CCDC88B: variants seen among roughly 807,000 people sequenced by gnomAD.
CCDC88B encodes coiled-coil and HOOK domain protein 88B, also known as coiled-coil domain-containing protein 88B.
A neutral mutation model predicts 183.7 loss-of-function variants in CCDC88B; 138 were observed. The observed-to-expected ratio is 0.75, with a 90% CI of 0.65 to 0.87. CCDC88B has a LOEUF of 0.87. CCDC88B is among the 40% of genes least tolerant of loss of function. The probability of loss-of-function intolerance (pLI) is 0.00; values close to 1 mark genes in which losing one functional copy is unlikely to be tolerated. For missense variants in CCDC88B, 1,822 were observed against 1,965.6 expected, an observed-to-expected ratio of 0.93 and a Z score of 1.38; for synonymous variants, 835 against 867.5, an observed-to-expected ratio of 0.96 and a Z score of 0.66.
In CCDC88B at chr11:64,343,762, C is replaced by A. The variant is rs766675170; in HGVS notation, c.1319-16C>A. On this transcript the variant is annotated splice_polypyrimidine_tract_variant and intron_variant, in intron 12 of 26. Coordinates refer to ENST00000356786, the MANE Select transcript of CCDC88B (RefSeq NM_032251.6). ...GGCAGTAAAGGAGGGGTCCTGACCT[C>A]ATCTCTCATCCTCAGCACCCCTAGC... 2.3e-5 allele frequency: 35 copies of A among 1,552,860 alleles called. No homozygotes were observed. In the South Asian group the frequency reaches 4.2e-4, roughly 19 times the overall value.
At chr11:64,345,273 G>A in intron 14 of CCDC88B, 116 bp downstream of exon 14, 1 of 1,220,520 alleles carries the variant, frequency 8.2e-7, no homozygotes, top group Non-Finnish European at 1.1e-6. Context: ...TGGGGCTGGA[G>A]ATAGAAAGGC....
intron 12 of CCDC88B, 29 bp downstream of exon 12, chr11:64,343,644 T>C: frequency 6.5e-7 from 1 of 1,549,016 alleles, no homozygotes; most frequent in Non-Finnish European, 8.7e-7. Flanking sequence ...AGGGCTGGGG[T>C]GGGGGCTTCC....
rs142382154 is a variant in CCDC88B, at chr11:64,355,712, C to T, written c.4375+84C>T. 2.4e-5 allele frequency: 31 copies of T among 1,311,078 alleles called. No individual in the cohort carries two copies. The Middle Eastern group carries it at 5.7e-4, about 24-fold the overall frequency. 81.2% of individuals were successfully genotyped at this position (1,311,078 alleles called of 1,614,324 possible). ...AACCTCATTCATCCATTCTTTCATT[C>T]GACAATGATCCTTTACCAAGTGCCA... On this transcript the variant is annotated intron_variant, in intron 26 of 26. Coordinates refer to ENST00000356786, the MANE Select transcript of CCDC88B (RefSeq NM_032251.6).
rs758071309 is a variant in CCDC88B, at chr11:64,344,756, A to G, written c.2215A>G (p.Arg739Gly). ...ALREEVAQLR[R>G]KAEALGDELE... The stretch of plus-strand genomic sequence containing the variant: ...CAGGGAGGAGGTGGCACAGTTGAGG[A>G]GAAAGGCTGAGGCCCTTGGAGATGA... The change falls in exon 14 of 27, where the codon AGA becomes GGA. Residue 739 changes from arginine to glycine, a missense_variant. Arg to Gly is a moderately radical substitution (Grantham distance 125). Coordinates refer to ENST00000356786, the MANE Select transcript of CCDC88B (RefSeq NM_032251.6). This position sits in a 1 kb window ranked among gnomAD's most constrained non-coding sequence, Gnocchi z 4.5. The G allele has an allele frequency of 1.2e-6, 2 of 1,613,794 alleles. No individual in the cohort carries two copies. Among genetic ancestry groups the G allele is most frequent in the South Asian group, 2.2e-5 (2 of 91,076 alleles).
At chr11:64,342,862 C>A in intron 10 of CCDC88B, 182 bp downstream of exon 10, 2 of 570,336 alleles carry the variant, frequency 3.5e-6, no homozygotes, top group Non-Finnish European at 5.4e-6. Flanking sequence ...GAGGATGGGG[C>A]AGGTGTAGGG....
Position 64,344,528 on chromosome 11 carries a change from C to G in CCDC88B, c.1987C>G (p.Gln663Glu). 1 of 1,605,058 alleles carries G rather than the reference C, an allele frequency of 6.2e-7. No homozygotes were observed. The highest frequency in any genetic ancestry group is 8.5e-7 in the Non-Finnish European group (1 of 1,175,758). ...GCCCAGCTCTGTGCAGCTGGAGGAG[C>G]AGGAGGGCCCAAACCAGGGCCTGGA... ...SEPSSVQLEEQEGPNQGLDLA... is the reference protein window; with the variant it reads ...SEPSSVQLEEEEGPNQGLDLA... The change falls in exon 14 of 27, where the codon CAG becomes GAG. Residue 663 changes from glutamine to glutamate, a missense_variant. Physicochemically the swap from Gln to Glu is conservative, Grantham distance 29. Coordinates refer to ENST00000356786, the MANE Select transcript of CCDC88B (RefSeq NM_032251.6). The surrounding 1 kb of genome is among the most constrained non-coding windows in gnomAD (Gnocchi z 4.5).
At chr11:64,341,848 T>G in intron 7 of CCDC88B, 106 bp downstream of exon 7, 118 of 732,772 alleles carry the variant, frequency 1.6e-4, no homozygotes, top group Non-Finnish European at 1.9e-4. Flanking sequence ...CATGGGGTTG[T>G]GGTCTGAGGT....
intron 12 of CCDC88B, 57 bp downstream of exon 12, chr11:64,343,672 T>TCCC: frequency 6.5e-7 from 1 of 1,542,196 alleles, no homozygotes. Flanking sequence ...TCCAGCAGTG[T>TCCC]ACTGGGGAGA....
Position 64,355,276 on chromosome 11 carries a change from G to C in CCDC88B, c.4182G>C (p.Arg1394=). 2 of 1,585,078 alleles carry C rather than the reference G, an allele frequency of 1.3e-6. No homozygotes were observed. The highest frequency in any genetic ancestry group is 1.7e-6 in the Non-Finnish European group (2 of 1,166,786). The change falls in exon 25 of 27, where the codon CGG becomes CGC. Residue 1394 remains arginine (R), a synonymous_variant. Transcript: ENST00000356786. ...RDETLAGGQR[R]KLSSRFPVGR... ...AGACCTTGGCAGGCGGGCAGCGGCG[G>C]AAACTCAGCTCAAGGTTCCCGGTGG...
chr11:64,355,092 C>A, intron 24 of CCDC88B, 102 bp from the exon 25 acceptor site: 1 of 732,294 alleles, frequency 1.4e-6, no homozygotes, highest in Non-Finnish European at 1.9e-6. Flanking sequence ...GACCCCCTCC[C>A]TGCGTGAGCC....
intron 16 of CCDC88B, 88 bp downstream of exon 16, chr11:64,349,756 C>G: frequency 7.9e-7 from 1 of 1,267,028 alleles, no homozygotes; most frequent in Non-Finnish European, 1.1e-6. Context: ...TCCTCCTAGT[C>G]TTGCCTCTGG....
At chr11:64,352,970 T>C (rs1311273944) in intron 20 of CCDC88B, 83 bp downstream of exon 20, 25 of 1,501,140 alleles carry the variant, frequency 1.7e-5, no homozygotes, top group Non-Finnish European at 2.2e-5. Context: ...CTGTCTGGCC[T>C]CCCCTCCCCG....
chr11:64,342,193 T>C, intron 8 of CCDC88B, 54 bp downstream of exon 8: 5 of 1,593,252 alleles, frequency 3.1e-6, no homozygotes, highest in Non-Finnish European at 4.3e-6. Flanking sequence ...AGATTAAGCC[T>C]GGATGGGACC....
Position 64,344,590 on chromosome 11 carries a change from C to G in CCDC88B, c.2049C>G (p.Asp683Glu). Residue 683 changes from aspartate (D) to glutamate (E), a missense_variant, in exon 14 of 27, where the codon GAC becomes GAG. Coordinates refer to ENST00000356786, the MANE Select transcript of CCDC88B (RefSeq NM_032251.6). The surrounding 1 kb of genome is among the most constrained non-coding windows in gnomAD (Gnocchi z 4.5). Reference protein sequence around the residue: ...ATGQAEAREHDQRLEGTVRDP... With the variant: ...ATGQAEAREHEQRLEGTVRDP... Reference sequence around the variant, plus strand: ...GACAAGCAGAGGCCAGAGAGCATGACCAGAGGCTGGAAGGGACGGTCAGGG... The same window carrying G: ...GACAAGCAGAGGCCAGAGAGCATGAGCAGAGGCTGGAAGGGACGGTCAGGG... 1 of 1,610,278 alleles carries G rather than the reference C, an allele frequency of 6.2e-7. No homozygotes were observed. The highest frequency in any genetic ancestry group is 8.5e-7 in the Non-Finnish European group (1 of 1,178,296).
At chr11:64,346,443 A>ATT (rs561099739) in intron 14 of CCDC88B, among the ~76,000 whole-genome samples, 50 of 140,158 alleles carry the variant, frequency 3.6e-4, no homozygotes, top group South Asian at 4.6e-4. Flanking sequence ...TACTTTTTGT[A>ATT]TTTTTTTTTT....
intron 14 of CCDC88B, chr11:64,348,911 CT>C: frequency 5.8e-6 from 4 of 686,718 alleles, no homozygotes; most frequent in Non-Finnish European, 1.1e-5. Context: ...CCTCCGTGGC[CT>C]TTTCCCTGTA....
Position 64,353,748 on chromosome 11 carries a change from G to A in CCDC88B, c.3867G>A (p.Gln1289=). 6.2e-7 allele frequency: 1 copy of A among 1,614,134 alleles called. No individual in the cohort carries two copies. The highest frequency in any genetic ancestry group is 8.5e-7 in the Non-Finnish European group (1 of 1,179,986). The change falls in exon 23 of 27, where the codon CAG becomes CAA. Residue 1289 remains glutamine, a synonymous_variant. Transcript: ENST00000356786. ...DQLNALRREK[Q]KLVEKIMDQY... ...TTAATGCCCTGCGCCGCGAGAAGCA[G>A]AAGCTCGTGGAGAAGATCATGGACC... is the stretch of plus-strand genomic sequence containing the variant.
rs779925965 is a variant in CCDC88B, at chr11:64,341,682, G to C, written c.615G>C (p.Leu205=). Residue 205 remains leucine, a synonymous_variant, in exon 7 of 27, where the codon CTG becomes CTC. Transcript: ENST00000356786. ...TGGCACCTGCCGAGCTGGAGATGCT[G>C]TCCCGGAGCCTGATGGGGACACTGT... ...GELAPAELEM[L]SRSLMGTLSK... is the part of the protein sequence containing the mutation. 6 of 1,608,336 alleles carry C rather than the reference G, an allele frequency of 3.7e-6. No individual in the cohort carries two copies. In the East Asian group the frequency reaches 8.9e-5, roughly 24 times the overall value.
At position 64,342,945 on chromosome 11, in the gene CCDC88B, AC is replaced by A. The variant is rs1271768970; in HGVS notation, c.1063-233del. The stretch of plus-strand genomic sequence containing the variant: ...CCCGGGGGGGAGGGGCGGGGCATGG[AC>A]AGAAGGGCGGGGCCTGCACAAAGGG... On this transcript the variant is annotated intron_variant, in intron 10 of 26. Coordinates refer to ENST00000356786, the MANE Select transcript of CCDC88B (RefSeq NM_032251.6). The A allele has an allele frequency of 2.2e-5, 12 of 533,676 alleles. No homozygotes were observed. The East Asian group carries it at 4.0e-4, about 18-fold the overall frequency. The allele number at this position is 533,676 out of a possible 1,614,324, so 33.1% of individuals were successfully genotyped here. A position where few individuals can be genotyped will look rare whatever the true frequency, so the allele number is the denominator to read the frequency against.
Sources: gnomAD v4.1 joint callset for allele counts (sites outside exome capture counted in the v4.1 genomes callset) on GRCh38, gnomAD v4.1.1 for gene constraint, Gnocchi (gnomAD v3.1) non-coding constraint, MANE v1.5 for transcripts, NCBI Gene and HGNC (gene_info 2026-07-23, HGNC 2026-07-21) for gene names.